The following NRXN3 variants were observed in gnomAD, a reference collection of about 807,000 sequenced individuals.
The protein encoded by NRXN3 is neurexin 3, also known as neurexin III.
A neutral mutation model predicts 137.6 loss-of-function variants in NRXN3; 32 were observed. That is an observed-to-expected ratio of 0.23 (90% CI 0.18 to 0.31). The LOEUF is 0.31. NRXN3 is among the 10% of genes least tolerant of loss of function. The pLI is 1.00. For missense variants in NRXN3, 1,574 were observed against 2,062.5 expected (o/e 0.76, Z 4.59); for synonymous variants, 798 against 784.5 (o/e 1.02, Z -0.29).
In NRXN3 at chr14:78,246,377, GT is replaced by G. The variant is rs893313714; in HGVS notation, c.709+2584del. On this transcript the variant is annotated intron_variant, in intron 2 of 20. Coordinates refer to ENST00000335750, the MANE Select transcript of NRXN3 (RefSeq NM_001330195.2). ...ATGCAATATGTATATTTTAATAATT[GT>G]TTTTTTTTCCTACAAGGTTCAGATC... Among the ~76,000 whole-genome samples the G allele has an allele frequency of 2.7e-5, 4 of 150,870 alleles. No homozygotes were observed. In the South Asian group the frequency reaches 6.3e-4, roughly 24 times the overall value.
chr14:79,296,539 G>A (rs1274547360), intron 15 of NRXN3, among the ~76,000 whole-genome samples: 1 of 151,980 alleles, frequency 6.6e-6, no homozygotes, highest in Non-Finnish European at 1.5e-5. Context: ...GCTGGTGAAG[G>A]AGTTTGGGGC....
At chr14:78,923,149 C>T (rs988845930) in intron 10 of NRXN3, among the ~76,000 whole-genome samples, 1 of 152,170 alleles carries the variant, frequency 6.6e-6, no homozygotes, top group African/African-American at 2.4e-5. Context: ...AGTGCTGCCT[C>T]GAGCCCACAA....
chr14:78,460,015 C>T (rs1427922276), intron 4 of NRXN3, among the ~76,000 whole-genome samples: 1 of 152,218 alleles, frequency 6.6e-6, no homozygotes, highest in Non-Finnish European at 1.5e-5. Context: ...CCCACAATCC[C>T]CTCCCCAGAT....
intron 15 of NRXN3, among the ~76,000 whole-genome samples, chr14:79,185,950 T>G (rs2063496834): frequency 6.6e-6 from 1 of 152,232 alleles, no homozygotes. Context: ...TATGCTATTT[T>G]GAGATGACTT....
At chr14:79,451,023 G>C (rs539476339) in intron 15 of NRXN3, among the ~76,000 whole-genome samples, 2 of 152,080 alleles carry the variant, frequency 1.3e-5, no homozygotes, top group Non-Finnish European at 2.9e-5. Context: ...AGTCATCACT[G>C]TCACCTCAGA....
chr14:78,867,832 C>T lies in NRXN3; in HGVS notation c.2275+57488C>T, dbSNP rs191195566. ...TATCAAACCTAAGCATAAAAATACC[C>T]AGATTTCCCTGTGTCTTCGGGCCTT... On this transcript the variant is annotated intron_variant, in intron 10 of 20. Coordinates refer to ENST00000335750, the MANE Select transcript of NRXN3 (RefSeq NM_001330195.2). 1.7e-3 allele frequency among the ~76,000 whole-genome samples: 263 copies of T among 151,972 alleles called. 1 individual carries two copies. The highest frequency in any genetic ancestry group is 5.7e-3 in the African/African-American group (235 of 41,462).
intron 8 of NRXN3, among the ~76,000 whole-genome samples, chr14:78,763,558 T>G (rs879456907): frequency 1.3e-5 from 2 of 152,070 alleles, no homozygotes; most frequent in Non-Finnish European, 2.9e-5. Flanking sequence ...GTTAAGAGCT[T>G]TATAGGAACT....
intron 8 of NRXN3, among the ~76,000 whole-genome samples, chr14:78,739,713 C>G (rs961532909): frequency 4.6e-5 from 7 of 152,046 alleles, no homozygotes; most frequent in Non-Finnish European, 8.8e-5. Context: ...CTCAGGTGAT[C>G]CAAAGTGTTG....
intron 6 of NRXN3, 105 bp from the exon 7 acceptor site, chr14:78,709,112 T>C: frequency 9.8e-7 from 1 of 1,018,420 alleles, no homozygotes; most frequent in Non-Finnish European, 1.4e-6. Context: ...TTGGGCTATG[T>C]CCTGAAGCCT....
intron 15 of NRXN3, among the ~76,000 whole-genome samples, chr14:79,082,699 T>G (rs1329511120): frequency 6.6e-6 from 1 of 152,176 alleles, no homozygotes; most frequent in Non-Finnish European, 1.5e-5. Flanking sequence ...TTTTCCACCT[T>G]ATCATGCACG....
At position 78,225,478 on chromosome 14, in the gene NRXN3, A is replaced by AGATTCTGGATATTAGCCCTTTGT. The variant is rs1387191773; in HGVS notation, c.-703-16913_-703-16912insGATTCTGGATATTAGCCCTTTGT. On this transcript the variant is annotated intron_variant, in intron 1 of 20. Coordinates refer to ENST00000335750, the MANE Select transcript of NRXN3 (RefSeq NM_001330195.2). ...TTTTTTCTTGTAAATTTGTTTGAGT[A>AGATTCTGGATATTAGCCCTTTGT]CATTGTAGATTCTGGATATTAGCCC... Among the ~76,000 whole-genome samples, 1,515 of 151,602 alleles carry AGATTCTGGATATTAGCCCTTTGT rather than the reference A, an allele frequency of 1.0e-2. 11 individuals carry two copies. Among genetic ancestry groups the AGATTCTGGATATTAGCCCTTTGT allele is most frequent in the Non-Finnish European group, 0.017 (1,126 of 67,702 alleles).
intron 2 of NRXN3, among the ~76,000 whole-genome samples, chr14:78,276,482 GT>G (rs2073611841): frequency 1.3e-5 from 2 of 152,204 alleles, no homozygotes; most frequent in Admixed American, 6.5e-5. Context: ...GACAATCAGA[GT>G]CACTAACGTT....
intron 19 of NRXN3, among the ~76,000 whole-genome samples, chr14:79,716,260 G>T (rs2098823340): frequency 6.6e-6 from 1 of 152,164 alleles, no homozygotes; most frequent in Non-Finnish European, 1.5e-5. Flanking sequence ...CATGTGCAAG[G>T]TTCCATGGAA....
intron 15 of NRXN3, among the ~76,000 whole-genome samples, chr14:79,331,191 A>T (rs1450160907): frequency 6.6e-6 from 1 of 152,176 alleles, no homozygotes; most frequent in African/African-American, 2.4e-5. Context: ...TATTTTGTCT[A>T]TGTGGAGAAA....
intron 19 of NRXN3, among the ~76,000 whole-genome samples, chr14:79,699,335 A>C (rs1251080494): frequency 1.1e-4 from 17 of 152,104 alleles, no homozygotes; most frequent in African/African-American, 4.1e-4. Flanking sequence ...TTGTTGGTGA[A>C]AGGATAGTTC....
chr14:78,275,877 A>G (rs2073513939), intron 2 of NRXN3, among the ~76,000 whole-genome samples: 1 of 152,132 alleles, frequency 6.6e-6, no homozygotes, highest in Non-Finnish European at 1.5e-5. Flanking sequence ...GCAGATAGAC[A>G]CTGCTAAGGT....
At chr14:79,844,591 G>C (rs2099363122) in intron 20 of NRXN3, among the ~76,000 whole-genome samples, 1 of 151,982 alleles carries the variant, frequency 6.6e-6, no homozygotes, top group South Asian at 2.1e-4. Context: ...TCAATGAACA[G>C]TACTATTTTG....
At position 78,710,897 on chromosome 14, in the gene NRXN3, C is replaced by A. The variant is rs2098401592; in HGVS notation, c.1660+1242C>A. Among the ~76,000 whole-genome samples, 5 of 152,314 alleles carry A rather than the reference C, an allele frequency of 3.3e-5. No homozygotes were observed. In the South Asian group the frequency reaches 1.0e-3, roughly 32 times the overall value. ...TGGTTGTCTGAAATCTGATCAGAAC[C>A]AAGAGCCTTCAAATTAAATGTGCTC... is the stretch of plus-strand genomic sequence containing the variant. On this transcript the variant is annotated intron_variant, in intron 7 of 20. Transcript: ENST00000335750.
chr14:79,800,732 T>C (rs1482799809), intron 19 of NRXN3, among the ~76,000 whole-genome samples: 1 of 152,136 alleles, frequency 6.6e-6, no homozygotes, highest in Non-Finnish European at 1.5e-5. Flanking sequence ...CTGCATTTGC[T>C]TACATCTGAA....
Sources: allele counts gnomAD v4.1 joint callset (sites outside exome capture counted in the v4.1 genomes callset), GRCh38; gene constraint gnomAD v4.1.1; transcripts MANE v1.5; gene names NCBI Gene and HGNC (gene_info 2026-07-23, HGNC 2026-07-21).